The following CAMTA1 variants were observed in gnomAD, a reference collection of about 807,000 sequenced individuals.
CAMTA1 encodes the protein calmodulin binding transcription activator 1, also known as calmodulin-binding transcription activator 1.
Under a neutral mutation model 170.9 loss-of-function variants are expected in CAMTA1, and 27 were observed. The observed-to-expected ratio is 0.16, with a 90% CI of 0.12 to 0.22. CAMTA1 has a LOEUF of 0.22. Ranked by LOEUF, CAMTA1 falls within the 10% of genes least tolerant of loss-of-function variation. The pLI is 1.00. For missense variants in CAMTA1, 1,619 were observed against 2,217.2 expected (o/e 0.73, Z 5.42); for synonymous variants, 833 against 891.5 (o/e 0.93, Z 1.17).
At chr1:7,505,910 TGGCCCTCCCA>T (rs1340616910) in intron 6 of CAMTA1, among the ~76,000 whole-genome samples, 12 of 152,106 alleles carry the variant, frequency 7.9e-5, no homozygotes, top group Admixed American at 7.2e-4. Flanking sequence ...CGACCTCACC[TGGCCCTCCCA>T]GTCCGAGAGG....
chr1:7,523,954 G>A (rs141931113), intron 6 of CAMTA1, among the ~76,000 whole-genome samples: 1,779 of 152,014 alleles, frequency 0.012, 17 homozygotes, highest in Middle Eastern at 0.02. Context: ...TGTAATCCCA[G>A]CACTTTGGGA....
chr1:7,606,350 GGC>G, intron 6 of CAMTA1, among the ~76,000 whole-genome samples: 1 of 152,160 alleles, frequency 6.6e-6, no homozygotes, highest in Non-Finnish European at 1.5e-5. Flanking sequence ...CATTTAAGAT[GGC>G]ACTTGTTGGG....
At chr1:7,758,208 G>A (rs2096945541) in intron 22 of CAMTA1, among the ~76,000 whole-genome samples, 1 of 152,140 alleles carries the variant, frequency 6.6e-6, no homozygotes, top group African/African-American at 2.4e-5. Context: ...TTTGAAACTT[G>A]TTAGTTTCTG....
intron 3 of CAMTA1, among the ~76,000 whole-genome samples, chr1:6,860,154 T>G (rs1205728657): frequency 4.6e-5 from 7 of 152,224 alleles, no homozygotes; most frequent in Non-Finnish European, 1.0e-4. Context: ...GTCTTAGTTT[T>G]CTTAACTCAT....
intron 3 of CAMTA1, among the ~76,000 whole-genome samples, chr1:6,846,397 G>A (rs1413978635): frequency 1.3e-5 from 2 of 152,086 alleles, no homozygotes; most frequent in Non-Finnish European, 2.9e-5. Flanking sequence ...GTTTGTTATG[G>A]CTCTTTTTAT....
intron 4 of CAMTA1, among the ~76,000 whole-genome samples, chr1:7,220,621 C>G (rs1660577808): frequency 6.6e-6 from 1 of 152,226 alleles, no homozygotes; most frequent in Admixed American, 6.5e-5. Context: ...ACCACCTCGG[C>G]TCTGTGGCTT....
intron 3 of CAMTA1, among the ~76,000 whole-genome samples, chr1:7,061,705 G>GCA (rs1244189614): frequency 7.5e-6 from 1 of 133,434 alleles, no homozygotes; most frequent in East Asian, 2.7e-4. Flanking sequence ...GGTGGTGGCG[G>GCA]CAGAGGAGGG....
intron 3 of CAMTA1, among the ~76,000 whole-genome samples, chr1:7,037,149 T>C (rs1209231235): frequency 6.6e-6 from 1 of 152,236 alleles, no homozygotes; most frequent in African/African-American, 2.4e-5. Context: ...AGAGAGACGA[T>C]ACACTTGCTC....
intron 3 of CAMTA1, among the ~76,000 whole-genome samples, chr1:6,984,242 A>G (rs2100258114): frequency 1.3e-5 from 2 of 151,714 alleles, no homozygotes; most frequent in East Asian, 3.9e-4. Context: ...GCGGATGGCA[A>G]CATCAAGTAC....
At chr1:7,466,739 G>A (rs988688796) in intron 5 of CAMTA1, among the ~76,000 whole-genome samples, 3 of 152,110 alleles carry the variant, frequency 2.0e-5, no homozygotes, top group Admixed American at 1.3e-4. Flanking sequence ...GGGAAGCCAG[G>A]GGAACTCTGA....
At chr1:6,969,719 T>C (rs1692200851) in intron 3 of CAMTA1, among the ~76,000 whole-genome samples, 1 of 152,254 alleles carries the variant, frequency 6.6e-6, no homozygotes. Context: ...TCAAAGCCAG[T>C]GTAGGCCTAC....
At chr1:6,850,926 C>T (rs923366538) in intron 3 of CAMTA1, among the ~76,000 whole-genome samples, 5 of 152,192 alleles carry the variant, frequency 3.3e-5, no homozygotes, top group African/African-American at 1.2e-4. Flanking sequence ...CAGCTCCAGA[C>T]CCTCTCAGTT....
chr1:7,654,393 A>C (rs2095866056), intron 7 of CAMTA1, among the ~76,000 whole-genome samples: 1 of 151,846 alleles, frequency 6.6e-6, no homozygotes. Context: ...AAATAAATAA[A>C]TAAATATATT....
intron 3 of CAMTA1, among the ~76,000 whole-genome samples, chr1:6,904,577 C>G (rs1677890366): frequency 6.9e-6 from 1 of 145,316 alleles, no homozygotes; most frequent in Admixed American, 7.0e-5. Context: ...ATTTTTGAGA[C>G]AGAGTCTTCC....
At chr1:7,052,827 C>T (rs60315903) in intron 3 of CAMTA1, among the ~76,000 whole-genome samples, 1,854 of 152,296 alleles carry the variant, frequency 0.012, 43 homozygotes, top group African/African-American at 0.043. Context: ...GACCCTCCTC[C>T]GTGCTGTCAA....
In CAMTA1 at chr1:7,646,929, A is replaced by G. The variant is rs1365232195; in HGVS notation, c.664+6376A>G. ...GCAGCCTGTTGGTTTTCCAGGGGCC[A>G]GGGTGTCAGTCCTGCCAGCCTTCAG... is the stretch of plus-strand genomic sequence containing the variant. On this transcript the variant is annotated intron_variant, in intron 7 of 22. Transcript: ENST00000303635. Among the ~76,000 whole-genome samples the G allele has an allele frequency of 3.9e-5, 6 of 152,318 alleles. No homozygotes were observed. The South Asian group carries it at 1.0e-3, about 26-fold the overall frequency.
At chr1:6,885,512 TTAACCAGCA>T (rs1672959317) in intron 3 of CAMTA1, among the ~76,000 whole-genome samples, 1 of 152,202 alleles carries the variant, frequency 6.6e-6, no homozygotes, top group Admixed American at 6.5e-5. Flanking sequence ...AACTTAAACT[TTAACCAGCA>T]TAGCCAGCGT....
intron 3 of CAMTA1, among the ~76,000 whole-genome samples, chr1:6,938,567 G>C (rs566423532): frequency 1.3e-5 from 2 of 152,294 alleles, no homozygotes; most frequent in Admixed American, 6.5e-5. Flanking sequence ...AGGTCTCCTG[G>C]GCTATGTGAG....
intron 3 of CAMTA1, among the ~76,000 whole-genome samples, chr1:6,848,482 G>A (rs964024820): frequency 6.6e-6 from 1 of 152,224 alleles, no homozygotes; most frequent in African/African-American, 2.4e-5. Context: ...AGGAAAATGA[G>A]CAGATTTTTA....
Sources: allele counts gnomAD v4.1 joint callset (sites outside exome capture counted in the v4.1 genomes callset), GRCh38; gene constraint gnomAD v4.1.1; transcripts MANE v1.5; gene names NCBI Gene and HGNC (gene_info 2026-07-23, HGNC 2026-07-21).